AFDN: variants seen among roughly 807,000 people sequenced by gnomAD.
AFDN encodes the protein afadin.
In AFDN, 68 loss-of-function variants were observed where a neutral mutation model predicts 216.6. The ratio of observed to expected loss-of-function variants is 0.31; its 90% CI spans 0.26 to 0.38. The LOEUF (loss-of-function observed/expected upper bound fraction) is 0.38, where lower values mean the gene tolerates loss of function less well. Ranked by LOEUF, AFDN falls within the 10% of genes least tolerant of loss-of-function variation. AFDN has a pLI of 1.00. For missense variants in AFDN, 2,136 were observed against 2,342.0 expected, an observed-to-expected ratio of 0.91 and a Z score of 1.82; for synonymous variants, 868 against 853.7, an observed-to-expected ratio of 1.02 and a Z score of -0.29.
At chr6:167,916,916 T>C (rs73032788) in intron 19 of AFDN, among the ~76,000 whole-genome samples, 173 bp from the exon 20 acceptor site, 3,896 of 152,294 alleles carry the variant, frequency 0.026, 74 homozygotes, top group Non-Finnish European at 0.033. Flanking sequence ...GATAATGCTT[T>C]TAGTTCTATT....
chr6:167,934,186 A>G (rs996303804), intron 23 of AFDN, among the ~76,000 whole-genome samples: 8 of 152,058 alleles, frequency 5.3e-5, no homozygotes, highest in African/African-American at 1.7e-4. Context: ...CGTTCCCTTC[A>G]TTTTATGGAG....
rs141023779 is a variant in AFDN, at chr6:167,841,001, C to T, written c.105+13764C>T. 2.1e-3 allele frequency among the ~76,000 whole-genome samples: 326 copies of T among 152,292 alleles called. 4 individuals are homozygous for T. Among genetic ancestry groups the T allele is most frequent in the African/African-American group, 6.9e-3 (287 of 41,570 alleles). On this transcript the variant is annotated intron_variant, in intron 1 of 33. Transcript: ENST00000683244. ...ACGCTTGGAGGCGGGGCCTTCAGGC[C>T]TTCCTGCGCTTGTGTCTGTGAGATA...
At chr6:167,834,463 T>TG (rs1326380797) in intron 1 of AFDN, among the ~76,000 whole-genome samples, 1 of 142,426 alleles carries the variant, frequency 7.0e-6, no homozygotes, top group African/African-American at 2.7e-5. Context: ...TTCGGTTTTT[T>TG]TTTTTTTTTT....
At chr6:167,841,730 T>G (rs967521660) in intron 1 of AFDN, among the ~76,000 whole-genome samples, 1 of 151,770 alleles carries the variant, frequency 6.6e-6, no homozygotes, top group Non-Finnish European at 1.5e-5. Context: ...ATATATCAGT[T>G]AGAGTGTTTC....
rs377367516 is a variant in AFDN, at chr6:167,902,351, G to C, written c.1615G>C (p.Asp539His). 33 of 1,612,992 alleles carry C rather than the reference G, an allele frequency of 2.0e-5. No homozygotes were observed. Among genetic ancestry groups the C allele is most frequent in the Non-Finnish European group, 2.8e-5 (33 of 1,179,232 alleles). The change falls in exon 12 of 34, where the codon GAT becomes CAT. Residue 539 changes from aspartate to histidine, a missense_variant. This residue lies in a region of AFDN where 817 missense variants were observed against 965.7 expected (regional missense o/e 0.85). Transcript: ENST00000683244. Reference protein sequence around the residue: ...VQETTFDLGGDIHSGTALPTS... With the variant: ...VQETTFDLGGHIHSGTALPTS... Reference sequence around the variant, plus strand: ...GGAGACAACTTTTGATTTGGGAGGAGATATTCATAGTGGGACAGCATTACC... The same window carrying C: ...GGAGACAACTTTTGATTTGGGAGGACATATTCATAGTGGGACAGCATTACC...
intron 32 of AFDN, 122 bp downstream of exon 32, chr6:167,966,167 A>G (rs1797540169): frequency 6.5e-7 from 1 of 1,534,498 alleles, no homozygotes; most frequent in African/African-American, 1.4e-5. Flanking sequence ...TCTCCAACTC[A>G]TTCCAGCCAC....
chr6:167,879,269 A>G (rs1221494453), intron 5 of AFDN, among the ~76,000 whole-genome samples: 1 of 152,214 alleles, frequency 6.6e-6, no homozygotes, highest in Non-Finnish European at 1.5e-5. Context: ...GACCAACATG[A>G]TTTTATTGTG....
At chr6:167,911,780 A>G (rs1313046402) in intron 15 of AFDN, 1 of 404,268 alleles carries the variant, frequency 2.5e-6, no homozygotes, top group African/African-American at 2.0e-5. Context: ...TTTTCTGTAA[A>G]TAATTTGTTG....
At chr6:167,927,251 CAT>C (rs1394938180) in intron 23 of AFDN, among the ~76,000 whole-genome samples, 2 of 151,938 alleles carry the variant, frequency 1.3e-5, no homozygotes, top group South Asian at 4.2e-4. Context: ...TTGGAACAGA[CAT>C]AATTGGGATA....
chr6:167,830,933 CTTTTT>C (rs71681602), intron 1 of AFDN, among the ~76,000 whole-genome samples: 33 of 79,336 alleles, frequency 4.2e-4, no homozygotes, highest in South Asian at 1.1e-3. Flanking sequence ...ATATTTGAAA[CTTTTT>C]TTTTTTTTTT....
At chr6:167,923,519 A>T (rs1792088053) in intron 22 of AFDN, among the ~76,000 whole-genome samples, 1 of 151,958 alleles carries the variant, frequency 6.6e-6, no homozygotes, top group Non-Finnish European at 1.5e-5. Flanking sequence ...TTTGAGCATC[A>T]TATCATGGCC....
intron 1 of AFDN, among the ~76,000 whole-genome samples, chr6:167,857,520 G>A (rs920560155): frequency 1.4e-4 from 21 of 152,026 alleles, no homozygotes; most frequent in African/African-American, 4.6e-4. Flanking sequence ...ATAGTTCCCT[G>A]TCACTAGATT....
intron 1 of AFDN, among the ~76,000 whole-genome samples, chr6:167,833,384 CATTT>C (rs956750397): frequency 8.5e-5 from 13 of 152,094 alleles, no homozygotes; most frequent in Non-Finnish European, 1.8e-4. Context: ...AAAAAATGCT[CATTT>C]GTTTGTTGTT....
chr6:167,880,676 CCCTT>C (rs1244020948), intron 6 of AFDN, among the ~76,000 whole-genome samples, 159 bp downstream of exon 6: 3 of 151,934 alleles, frequency 2.0e-5, no homozygotes, highest in African/African-American at 4.8e-5. Context: ...AAAGCAGTCT[CCCTT>C]CCATTACAAA....
intron 1 of AFDN, among the ~76,000 whole-genome samples, chr6:167,832,299 G>C (rs1234547681): frequency 3.3e-5 from 5 of 152,164 alleles, no homozygotes; most frequent in Admixed American, 2.6e-4. Flanking sequence ...TCCAGTTCGT[G>C]TCTCTCTATG....
At chr6:167,930,357 CA>C (rs1162811903) in intron 23 of AFDN, among the ~76,000 whole-genome samples, 2 of 152,174 alleles carry the variant, frequency 1.3e-5, no homozygotes, top group Non-Finnish European at 2.9e-5. Flanking sequence ...ACTTCATCAG[CA>C]CATGCCCCTT....
rs1797110571 is a variant in AFDN at position 167,962,288 on chromosome 6, A to G, written c.4834-145A>G. The stretch of plus-strand genomic sequence containing the variant: ...AAATTGTAAAAAGTTTTATTTTCCA[A>G]CAGTGATTTTAACCTGGTATTTTAT... On this transcript the variant is annotated intron_variant, in intron 30 of 33. Coordinates refer to ENST00000683244, the MANE Select transcript of AFDN (RefSeq NM_001386888.1). The surrounding 1 kb of genome is among the most constrained non-coding windows in gnomAD (Gnocchi z 5.2). 2 of 1,202,966 alleles carry G rather than the reference A, an allele frequency of 1.7e-6. No individual in the cohort carries two copies. The highest frequency in any genetic ancestry group is 2.2e-6 in the Non-Finnish European group (2 of 905,136). 74.5% of individuals were successfully genotyped at this position (1,202,966 alleles called of 1,614,324 possible).
At chr6:167,916,117 G>A (rs531830025) in intron 19 of AFDN, among the ~76,000 whole-genome samples, 1 of 152,302 alleles carries the variant, frequency 6.6e-6, no homozygotes, top group African/African-American at 2.4e-5. Flanking sequence ...TCTGTTTCAG[G>A]CCTTCCCCCT....
chr6:167,850,338 A>T (rs1364341992), intron 1 of AFDN, among the ~76,000 whole-genome samples: 1 of 152,168 alleles, frequency 6.6e-6, no homozygotes, highest in African/African-American at 2.4e-5. Context: ...GTGTTTTAAA[A>T]TGTGCTTGTG....
Sources: gnomAD v4.1 joint callset for allele counts (sites outside exome capture counted in the v4.1 genomes callset) on GRCh38, gnomAD v4.1.1 for gene constraint, gnomAD v4.1.1 regional missense constraint, Gnocchi (gnomAD v3.1) non-coding constraint, MANE v1.5 for transcripts, NCBI Gene and HGNC (gene_info 2026-07-23, HGNC 2026-07-21) for gene names.